Variants in AFF1 observed in about 807,000 individuals in gnomAD.
The protein encoded by AFF1 is AF4/FMR2 family member 1.
Under a neutral mutation model 121.7 loss-of-function variants are expected in AFF1, and 48 were observed. That is an observed-to-expected ratio of 0.39 (90% CI 0.31 to 0.50). The LOEUF (loss-of-function observed/expected upper bound fraction) is 0.50. AFF1 is among the 20% of genes least tolerant of loss of function. The pLI, the probability that AFF1 is intolerant of heterozygous loss-of-function variation, is 0.76. For synonymous variants in AFF1, 613 were observed against 563.0 expected, an observed-to-expected ratio of 1.09 and a Z score of -1.26; for missense variants, 1,523 against 1,511.7, an observed-to-expected ratio of 1.01 and a Z score of -0.12.
intron 5 of AFF1, 50 bp from the exon 6 acceptor site, chr4:87,089,934 A>G: frequency 7.4e-7 from 1 of 1,351,294 alleles, no homozygotes; most frequent in Non-Finnish European, 1.1e-6. Context: ...GTAGCAATGA[A>G]TGTTCTATTT....
intron 19 of AFF1, 101 bp downstream of exon 19, chr4:87,132,509 C>A: frequency 8.0e-7 from 1 of 1,244,602 alleles, no homozygotes; most frequent in Non-Finnish European, 1.1e-6. Flanking sequence ...GTCACTTTGC[C>A]TTTTCAAAAA....
chr4:86,961,255 A>G (rs546334361), intron 2 of AFF1, among the ~76,000 whole-genome samples: 2 of 152,162 alleles, frequency 1.3e-5, no homozygotes, highest in South Asian at 4.2e-4. Context: ...GTAACTCCCT[A>G]TGAGGTTATG....
At chr4:87,002,118 T>C (rs1355124193) in intron 2 of AFF1, among the ~76,000 whole-genome samples, 9 of 151,866 alleles carry the variant, frequency 5.9e-5, no homozygotes, top group African/African-American at 2.2e-4. Flanking sequence ...TTTTTTTTTT[T>C]TCCCAGAGAC....
chr4:87,126,246 C>T lies in AFF1; in HGVS notation c.2721C>T (p.Ala907=), dbSNP rs1728234686. The change falls in exon 14 of 21, where the codon GCC becomes GCT. Residue 907 remains alanine (A), a synonymous_variant. Coordinates refer to ENST00000395146, the MANE Select transcript of AFF1 (RefSeq NM_001166693.3). ...GTGGCCAGGACCCTCCCAAAAGTGC[C>T]AGCAGTACCAAGAGCAACCACAAAG... ...DTCGQDPPKS[A]SSTKSNHKDS... The T allele has an allele frequency of 1.9e-6, 3 of 1,613,958 alleles. No homozygotes were observed. The highest frequency in any genetic ancestry group is 2.7e-5 in the African/African-American group (2 of 74,884).
Position 87,131,237 on chromosome 4 carries a change from G to T in AFF1, c.3101+18G>T. The T allele has an allele frequency of 6.2e-7, 1 of 1,613,340 alleles. No individual in the cohort carries two copies. The highest frequency in any genetic ancestry group is 8.5e-7 in the Non-Finnish European group (1 of 1,179,750). On this transcript the variant is annotated intron_variant, in intron 17 of 20. Coordinates refer to ENST00000395146, the MANE Select transcript of AFF1 (RefSeq NM_001166693.3). ...CTCATTAAGTAAGTGCCGAGTCATT[G>T]TGCTTTCCTCTTAAGTCCTTTTCTT... is the stretch of plus-strand genomic sequence containing the variant.
chr4:87,053,614 G>A (rs1195499913), intron 4 of AFF1, among the ~76,000 whole-genome samples: 1 of 152,170 alleles, frequency 6.6e-6, no homozygotes, highest in African/African-American at 2.4e-5. Flanking sequence ...ACACATTTAA[G>A]CAGCTTACTC....
intron 16 of AFF1, among the ~76,000 whole-genome samples, chr4:87,128,745 A>G (rs1409442242): frequency 2.0e-5 from 3 of 152,210 alleles, no homozygotes; most frequent in South Asian, 2.1e-4. Context: ...ATTCCTTACC[A>G]TGCTCAATTC....
intron 12 of AFF1, among the ~76,000 whole-genome samples, chr4:87,124,710 A>C (rs1456536337): frequency 6.6e-6 from 1 of 152,206 alleles, no homozygotes; most frequent in Non-Finnish European, 1.5e-5. Flanking sequence ...TTTTCTATTT[A>C]GAAAAACATC....
intron 2 of AFF1, among the ~76,000 whole-genome samples, chr4:87,018,438 G>C (rs999001529): frequency 6.6e-6 from 1 of 152,264 alleles, no homozygotes; most frequent in African/African-American, 2.4e-5. Context: ...ACCTGAGGCA[G>C]AGAAAGAGCA....
chr4:86,956,916 T>C (rs1328076110), intron 2 of AFF1, among the ~76,000 whole-genome samples: 3 of 152,224 alleles, frequency 2.0e-5, no homozygotes, highest in Non-Finnish European at 4.4e-5. Flanking sequence ...GAGGAATTGC[T>C]TGCCTCTAAG....
intron 4 of AFF1, among the ~76,000 whole-genome samples, chr4:87,050,317 T>C (rs1045731537): frequency 3.9e-5 from 6 of 152,208 alleles, no homozygotes; most frequent in African/African-American, 1.4e-4. Context: ...TCTTTCCTAG[T>C]GCTCTGAGTG....
At chr4:87,024,601 C>CT (rs35375321) in intron 2 of AFF1, among the ~76,000 whole-genome samples, 13 of 151,852 alleles carry the variant, frequency 8.6e-5, no homozygotes, top group South Asian at 4.2e-4. Flanking sequence ...TAGGATCCTG[C>CT]TTTTTTTTGA....
At chr4:86,996,390 T>G (rs1202693856) in intron 2 of AFF1, among the ~76,000 whole-genome samples, 17 of 151,300 alleles carry the variant, frequency 1.1e-4, no homozygotes, top group Non-Finnish European at 3.0e-5. Context: ...AGAAAAATTC[T>G]TCTGCCTTGG....
intron 12 of AFF1, 134 bp downstream of exon 12, chr4:87,115,433 T>A: frequency 2.1e-6 from 2 of 932,054 alleles, no homozygotes; most frequent in Non-Finnish European, 3.1e-6. Context: ...GCTGTAGCCT[T>A]TGCATCTTCT....
At chr4:87,022,700 GTATA>G (rs200354872) in intron 2 of AFF1, among the ~76,000 whole-genome samples, 5,628 of 146,020 alleles carry the variant, frequency 0.039, 199 homozygotes, top group African/African-American at 0.095. Context: ...ATATCTGTGT[GTATA>G]TATATATCTG....
chr4:87,070,949 T>A (rs949504758), intron 4 of AFF1, among the ~76,000 whole-genome samples: 1 of 152,206 alleles, frequency 6.6e-6, no homozygotes, highest in East Asian at 1.9e-4. Context: ...TTAGCTATAG[T>A]GAGTCCGCTT....
chr4:87,138,224 C>T lies in AFF1; in HGVS notation c.*2523C>T, dbSNP rs150098587. 53 of 232,392 alleles carry T rather than the reference C, an allele frequency of 2.3e-4. No homozygotes were observed. In the Middle Eastern group the frequency reaches 3.9e-3, roughly 17 times the overall value. 14.4% of individuals were successfully genotyped at this position (232,392 alleles called of 1,614,324 possible). On this transcript the variant is annotated 3_prime_UTR_variant, in exon 21 of 21. Transcript: ENST00000395146. ...AAGGTAGTGGCTGATGAATCCTTAACGTTCATAGGGTCTTTTTGCTGTTAC... is the reference window on the plus strand; with the variant it reads ...AAGGTAGTGGCTGATGAATCCTTAATGTTCATAGGGTCTTTTTGCTGTTAC...
intron 2 of AFF1, among the ~76,000 whole-genome samples, chr4:86,980,951 C>G (rs546513891): frequency 1.5e-5 from 2 of 135,210 alleles, no homozygotes; most frequent in South Asian, 4.9e-4. Flanking sequence ...TGAGGCACCC[C>G]CCCCCTCCAC....
intron 2 of AFF1, among the ~76,000 whole-genome samples, chr4:87,029,490 T>G (rs1178963158): frequency 1.3e-5 from 2 of 152,190 alleles, no homozygotes; most frequent in African/African-American, 2.4e-5. Flanking sequence ...TCAGGACATT[T>G]GAGGAACATT....
Sources: gnomAD v4.1 joint callset for allele counts (sites outside exome capture counted in the v4.1 genomes callset) on GRCh38, gnomAD v4.1.1 for gene constraint, MANE v1.5 for transcripts, NCBI Gene and HGNC (gene_info 2026-07-23, HGNC 2026-07-21) for gene names.